The following LUC7L2 variants were observed in gnomAD, a reference collection of about 807,000 sequenced individuals.
LUC7L2 encodes LUC7 like 2, pre-mRNA splicing factor.
A neutral mutation model predicts 52.8 loss-of-function variants in LUC7L2; 25 were observed. The ratio of observed to expected loss-of-function variants is 0.47; its 90% CI spans 0.34 to 0.66. The LOEUF is 0.66. Among genes scored for constraint, LUC7L2 ranks in the 30% least tolerant of loss-of-function variants. The pLI, the probability that LUC7L2 is intolerant of heterozygous loss-of-function variation, is 0.01. For missense variants in LUC7L2, 328 were observed against 497.8 expected (o/e 0.66, Z 3.25); for synonymous variants, 144 against 160.9 (o/e 0.89, Z 0.80).
chr7:139,359,668 G>T (rs1282489977), upstream of LUC7L2: 1 of 397,910 alleles, frequency 2.5e-6, no homozygotes, highest in Non-Finnish European at 4.4e-6. Context: ...CAGCCGGGAG[G>T]GAATGTAATG....
Position 139,417,526 on chromosome 7 carries a change from C to A in LUC7L2, c.810-12C>A, listed in dbSNP as rs1170360202. On this transcript the variant is annotated splice_polypyrimidine_tract_variant and intron_variant, in intron 8 of 9. Coordinates refer to ENST00000354926, the MANE Select transcript of LUC7L2 (RefSeq NM_016019.5). ...TACAAAGGTAGAAACAAAATCAAAT[C>A]TTGTCTGGTAGATCCAGGTCCAGAG... 1.9e-6 allele frequency: 3 copies of A among 1,603,396 alleles called. No homozygotes were observed. Among genetic ancestry groups the A allele is most frequent in the Admixed American group, 3.4e-5 (2 of 59,456 alleles).
At chr7:139,341,343 G>A in intron 1 of LUC7L2, 1 of 1,584,588 alleles carries the variant, frequency 6.3e-7, no homozygotes, top group Non-Finnish European at 8.6e-7. Context: ...TTTCAGGGTC[G>A]TAGGACGCCG....
At chr7:139,341,322 G>A in intron 1 of LUC7L2, 2 of 1,555,866 alleles carry the variant, frequency 1.3e-6, no homozygotes, top group African/African-American at 1.4e-5. Context: ...CGCCTGGGCC[G>A]GAGGAGGGGT....
chr7:139,396,420 G>A (rs376530840), intron 2 of LUC7L2, among the ~76,000 whole-genome samples: 2 of 152,300 alleles, frequency 1.3e-5, no homozygotes, highest in Middle Eastern at 3.4e-3. Context: ...TCCAGCCTAG[G>A]TGACAAAGTG....
At chr7:139,389,507 CCTCT>C (rs1386017261) in intron 2 of LUC7L2, among the ~76,000 whole-genome samples, 4 of 152,050 alleles carry the variant, frequency 2.6e-5, no homozygotes, top group Non-Finnish European at 5.9e-5. Context: ...TGGCTCTTTC[CCTCT>C]ATTATTTGTC....
intron 2 of LUC7L2, among the ~76,000 whole-genome samples, chr7:139,392,922 G>A (rs1247460408): frequency 2.0e-5 from 3 of 151,632 alleles, no homozygotes; most frequent in Non-Finnish European, 2.9e-5. Context: ...ACAAAGTGCT[G>A]GAATTATAGG....
At chr7:139,380,384 G>A (rs1401150259) in intron 2 of LUC7L2, among the ~76,000 whole-genome samples, 1 of 151,998 alleles carries the variant, frequency 6.6e-6, no homozygotes, top group Non-Finnish European at 1.5e-5. Flanking sequence ...GATCATCCAA[G>A]GTCAGGAGTT....
chr7:139,396,736 C>G (rs1357567743), intron 2 of LUC7L2, among the ~76,000 whole-genome samples: 1 of 152,098 alleles, frequency 6.6e-6, no homozygotes, highest in Admixed American at 6.6e-5. Context: ...GTAGAGAGTT[C>G]CTACTTTGTT....
At chr7:139,376,034 G>C in intron 1 of LUC7L2, 28 bp from the exon 2 acceptor site, 2 of 1,611,072 alleles carry the variant, frequency 1.2e-6, no homozygotes, top group East Asian at 4.5e-5. Context: ...GTCTAACCTT[G>C]AATGTTATTA....
At chr7:139,412,825 TAAAAAAAAAAAAAA>T in intron 8 of LUC7L2, 1 of 121,460 alleles carries the variant, frequency 8.2e-6, no homozygotes, top group Non-Finnish European at 1.7e-5. Flanking sequence ...ACTCTGTCTT[TAAAAAAAAAAAAAA>T]AAAAAAAAAG....
intron 2 of LUC7L2, among the ~76,000 whole-genome samples, chr7:139,391,910 G>C (rs1794466552): frequency 2.0e-5 from 3 of 151,996 alleles, no homozygotes; most frequent in Admixed American, 2.0e-4. Context: ...TTTTCCAATT[G>C]TAGTAATAAT....
chr7:139,394,378 CA>C (rs1259876837), intron 2 of LUC7L2, among the ~76,000 whole-genome samples: 1 of 152,178 alleles, frequency 6.6e-6, no homozygotes, highest in Non-Finnish European at 1.5e-5. Context: ...ATGCCTTCCC[CA>C]AAAGGCTACT....
At chr7:139,406,025 G>A (rs1021604755) in intron 5 of LUC7L2, among the ~76,000 whole-genome samples, 11 of 152,068 alleles carry the variant, frequency 7.2e-5, no homozygotes, top group African/African-American at 7.2e-5. Flanking sequence ...AAGGTGGATC[G>A]CTTGAGTCCA....
At chr7:139,415,504 C>T (rs887050820) in intron 8 of LUC7L2, among the ~76,000 whole-genome samples, 1 of 151,452 alleles carries the variant, frequency 6.6e-6, no homozygotes. Context: ...ATAAAACTTA[C>T]ACTGAGAGTT....
chr7:139,409,802 TATAA>T (rs1172432151), intron 7 of LUC7L2, 148 bp downstream of exon 7: 2 of 1,225,260 alleles, frequency 1.6e-6, no homozygotes, highest in Non-Finnish European at 2.1e-6. Flanking sequence ...GTGCGAATTA[TATAA>T]ATGTTTAATT....
intron 6 of LUC7L2, among the ~76,000 whole-genome samples, chr7:139,408,640 G>C (rs567491644): frequency 1.6e-4 from 25 of 151,982 alleles, no homozygotes; most frequent in African/African-American, 4.6e-4. Flanking sequence ...TCAGGAGTTC[G>C]AGACCAGTCT....
At chr7:139,400,279 G>C (rs971842978) in intron 3 of LUC7L2, among the ~76,000 whole-genome samples, 1 of 152,028 alleles carries the variant, frequency 6.6e-6, no homozygotes, top group Non-Finnish European at 1.5e-5. Context: ...GGCCGAGGCA[G>C]GGGTGGATCA....
upstream of LUC7L2, among the ~76,000 whole-genome samples, chr7:139,358,063 A>G (rs1167332161): frequency 2.6e-5 from 4 of 152,020 alleles, no homozygotes; most frequent in Admixed American, 1.3e-4. Flanking sequence ...CCTGGAGTGC[A>G]GTGGCATAAT....
chr7:139,349,847 C>T (rs1367108859), intron 1 of LUC7L2, among the ~76,000 whole-genome samples: 1 of 152,096 alleles, frequency 6.6e-6, no homozygotes. Flanking sequence ...TAAATATACT[C>T]ATTTTAGGTG....
Sources: allele counts gnomAD v4.1 joint callset (sites outside exome capture counted in the v4.1 genomes callset), GRCh38; gene constraint gnomAD v4.1.1; transcripts MANE v1.5; gene names NCBI Gene and HGNC (gene_info 2026-07-23, HGNC 2026-07-21).